The following ZFPM2 variants were observed in gnomAD, a reference collection of about 807,000 sequenced individuals.
ZFPM2 encodes the protein zinc finger protein ZFPM2.
In ZFPM2, 20 loss-of-function variants were observed where a neutral mutation model predicts 98.6. The ratio of observed to expected loss-of-function variants is 0.20; its 90% CI spans 0.14 to 0.29. The LOEUF is 0.29. Among genes scored for constraint, ZFPM2 ranks in the 10% least tolerant of loss-of-function variants. ZFPM2 has a pLI of 1.00. For missense variants in ZFPM2, 1,310 were observed against 1,388.6 expected, an observed-to-expected ratio of 0.94 and a Z score of 0.90; for synonymous variants, 518 against 502.7, an observed-to-expected ratio of 1.03 and a Z score of -0.41.
At position 105,693,005 on chromosome 8, in the gene ZFPM2, G is replaced by A. The variant is rs553349556; in HGVS notation, c.532+58648G>A. Among the ~76,000 whole-genome samples, 5 of 152,340 alleles carry A rather than the reference G, an allele frequency of 3.3e-5. No individual in the cohort carries two copies. The East Asian group carries it at 7.7e-4, about 24-fold the overall frequency. Reference sequence around the variant, plus strand: ...GCTGGAAAGTAGAACGCAGACAGAGGTGATAGGTGGGCAACTACTGAAATG... The same window carrying A: ...GCTGGAAAGTAGAACGCAGACAGAGATGATAGGTGGGCAACTACTGAAATG... On this transcript the variant is annotated intron_variant, in intron 5 of 7. Coordinates refer to ENST00000407775, the MANE Select transcript of ZFPM2 (RefSeq NM_012082.4).
Position 105,780,987 on chromosome 8 carries a change from CTT to C in ZFPM2, c.533-7726_533-7725del, listed in dbSNP as rs528763553. Among the ~76,000 whole-genome samples the C allele has an allele frequency of 1.5e-3, 223 of 152,342 alleles. 1 individual carries two copies. Among genetic ancestry groups the C allele is most frequent in the African/African-American group, 5.0e-3 (206 of 41,576 alleles). The stretch of plus-strand genomic sequence containing the variant: ...TGTGAAACATTTGATCATCAAGACA[CTT>C]TTTTGTTCATAGAGCTTAACTCTTT... On this transcript the variant is annotated intron_variant, in intron 5 of 7. Coordinates refer to ENST00000407775, the MANE Select transcript of ZFPM2 (RefSeq NM_012082.4).
At chr8:105,639,491 A>C (rs1034428017) in intron 5 of ZFPM2, among the ~76,000 whole-genome samples, 2 of 152,052 alleles carry the variant, frequency 1.3e-5, no homozygotes, top group African/African-American at 4.8e-5. Context: ...TCAACAACAT[A>C]ATATTTCTTT....
intron 1 of ZFPM2, among the ~76,000 whole-genome samples, chr8:105,340,942 G>A (rs907101625): frequency 3.3e-5 from 5 of 151,924 alleles, no homozygotes; most frequent in African/African-American, 1.2e-4. Context: ...TAGACTTAAT[G>A]CTGTTGATGG....
At chr8:105,400,453 C>T (rs1811317933) in intron 1 of ZFPM2, among the ~76,000 whole-genome samples, 1 of 151,998 alleles carries the variant, frequency 6.6e-6, no homozygotes, top group East Asian at 1.9e-4. Flanking sequence ...GTGATATTCC[C>T]CTTCCTGTGT....
chr8:105,334,001 C>T (rs1812280522), intron 1 of ZFPM2, among the ~76,000 whole-genome samples: 1 of 150,754 alleles, frequency 6.6e-6, no homozygotes, highest in African/African-American at 2.4e-5. Flanking sequence ...AGTTTTTAAC[C>T]AAATATAATT....
chr8:105,474,447 C>T (rs1812973587), intron 3 of ZFPM2, among the ~76,000 whole-genome samples: 1 of 152,110 alleles, frequency 6.6e-6, no homozygotes, highest in African/African-American at 2.4e-5. Context: ...AGAACATTAT[C>T]AACATTTTTA....
intron 5 of ZFPM2, among the ~76,000 whole-genome samples, chr8:105,690,452 C>T (rs1345961351): frequency 6.6e-6 from 1 of 152,114 alleles, no homozygotes; most frequent in Non-Finnish European, 1.5e-5. Flanking sequence ...GCCAGTGTAT[C>T]GAGAAGGACA....
chr8:105,620,768 G>A (rs1242480737), intron 4 of ZFPM2, among the ~76,000 whole-genome samples: 1 of 152,098 alleles, frequency 6.6e-6, no homozygotes, highest in African/African-American at 2.4e-5. Flanking sequence ...AGTTTTCCCA[G>A]CACCATTTAT....
chr8:105,651,991 T>C (rs1259295232), intron 5 of ZFPM2, among the ~76,000 whole-genome samples: 1 of 152,144 alleles, frequency 6.6e-6, no homozygotes, highest in African/African-American at 2.4e-5. Context: ...ACATAGCATA[T>C]ATTATGCTGC....
chr8:105,507,208 T>A (rs1813721732), intron 3 of ZFPM2, among the ~76,000 whole-genome samples: 1 of 152,178 alleles, frequency 6.6e-6, no homozygotes, highest in African/African-American at 2.4e-5. Flanking sequence ...TCTACCTGCA[T>A]TCGTATCTAT....
At chr8:105,341,587 C>G (rs995366246) in intron 1 of ZFPM2, among the ~76,000 whole-genome samples, 3 of 151,204 alleles carry the variant, frequency 2.0e-5, no homozygotes, top group African/African-American at 7.3e-5. Context: ...GTTGATATAT[C>G]CTCATTTTAT....
At chr8:105,571,710 A>G (rs920048950) in intron 4 of ZFPM2, among the ~76,000 whole-genome samples, 109 of 152,336 alleles carry the variant, frequency 7.2e-4, no homozygotes, top group African/African-American at 2.5e-3. Flanking sequence ...CTTGGAGATG[A>G]TAACAGAGAG....
chr8:105,687,295 T>C (rs140631246), intron 5 of ZFPM2, among the ~76,000 whole-genome samples: 67 of 152,304 alleles, frequency 4.4e-4, no homozygotes, highest in South Asian at 1.0e-3. Context: ...TTGGGGTCCA[T>C]TTTTTATAGC....
intron 3 of ZFPM2, among the ~76,000 whole-genome samples, chr8:105,468,845 T>TC (rs2130337435): frequency 6.6e-6 from 1 of 152,320 alleles, no homozygotes; most frequent in South Asian, 2.1e-4. Context: ...TTGTATTTAT[T>TC]CCCCAATAAC....
chr8:105,746,825 T>C (rs1463084332), intron 5 of ZFPM2, among the ~76,000 whole-genome samples: 1 of 151,990 alleles, frequency 6.6e-6, no homozygotes, highest in Non-Finnish European at 1.5e-5. Flanking sequence ...GAAACCATGC[T>C]TGTTGCAGGT....
intron 1 of ZFPM2, among the ~76,000 whole-genome samples, chr8:105,404,214 G>T (rs752771767): frequency 7.2e-5 from 11 of 152,060 alleles, no homozygotes; most frequent in Non-Finnish European, 1.5e-4. Flanking sequence ...TTTTTCTTCA[G>T]CCAGTTCCAG....
At chr8:105,551,927 A>G (rs1197397732) in intron 3 of ZFPM2, among the ~76,000 whole-genome samples, 3 of 143,046 alleles carry the variant, frequency 2.1e-5, no homozygotes, top group Admixed American at 7.0e-5. Context: ...TGTGATTGTT[A>G]AATATCAGCA....
chr8:105,642,620 A>G (rs1272688119), intron 5 of ZFPM2, among the ~76,000 whole-genome samples: 2 of 152,244 alleles, frequency 1.3e-5, no homozygotes, highest in Admixed American at 6.5e-5. Context: ...TTTGTTTTTC[A>G]TAAGATAATT....
chr8:105,677,703 A>AG (rs1810503662), intron 5 of ZFPM2, among the ~76,000 whole-genome samples: 1 of 145,732 alleles, frequency 6.9e-6, no homozygotes. Flanking sequence ...CAAAAACATA[A>AG]GAAAAAAAAA....
Sources: allele counts gnomAD v4.1 joint callset (sites outside exome capture counted in the v4.1 genomes callset), GRCh38; gene constraint gnomAD v4.1.1; transcripts MANE v1.5; gene names NCBI Gene and HGNC (gene_info 2026-07-23, HGNC 2026-07-21).